The following MBD5 variants were observed in gnomAD, a reference collection of about 807,000 sequenced individuals.
The protein encoded by MBD5 is methyl-CpG-binding domain protein 5.
A neutral mutation model predicts 117.3 loss-of-function variants in MBD5; 13 were observed. That is an observed-to-expected ratio of 0.11 (90% CI 0.07 to 0.18). The LOEUF (loss-of-function observed/expected upper bound fraction) is 0.18, where lower values mean the gene tolerates loss of function less well. Ranked by LOEUF, MBD5 falls within the 10% of genes least tolerant of loss-of-function variation. MBD5 has a pLI of 1.00. For synonymous variants in MBD5, 727 were observed against 766.4 expected, an observed-to-expected ratio of 0.95 and a Z score of 0.85; for missense variants, 1,879 against 2,093.8, an observed-to-expected ratio of 0.90 and a Z score of 2.00.
At chr2:148,345,602 TACATATGTATATACACGTATACAC>T (rs1314749803) in intron 4 of MBD5, among the ~76,000 whole-genome samples, 13 of 108,246 alleles carry the variant, frequency 1.2e-4, no homozygotes, top group African/African-American at 4.7e-4. Flanking sequence ...CGTATACACA[TACATATGTATATACACGTATACAC>T]ATACATATGT....
At chr2:148,439,235 T>A (rs1308223133) in intron 4 of MBD5, among the ~76,000 whole-genome samples, 1 of 152,176 alleles carries the variant, frequency 6.6e-6, no homozygotes, top group Non-Finnish European at 1.5e-5. Flanking sequence ...TTAAGGATTT[T>A]GATTTTCTGG....
intron 1 of MBD5, among the ~76,000 whole-genome samples, chr2:148,057,246 T>C (rs1465064493): frequency 6.6e-6 from 1 of 151,840 alleles, no homozygotes; most frequent in African/African-American, 2.4e-5. Flanking sequence ...TACATTTTAA[T>C]TTTGCTTTAT....
At chr2:148,200,435 T>A (rs981353558) in intron 2 of MBD5, among the ~76,000 whole-genome samples, 1 of 152,190 alleles carries the variant, frequency 6.6e-6, no homozygotes, top group Non-Finnish European at 1.5e-5. Context: ...CTCATGCCTG[T>A]AATCCCAGCA....
chr2:148,479,551 A>T (rs563005982), intron 8 of MBD5, among the ~76,000 whole-genome samples: 5 of 152,302 alleles, frequency 3.3e-5, no homozygotes, highest in African/African-American at 1.2e-4. Flanking sequence ...AATGGTTTAG[A>T]AAGATGATTT....
At chr2:148,212,473 A>G (rs894637807) in intron 2 of MBD5, among the ~76,000 whole-genome samples, 3 of 152,182 alleles carry the variant, frequency 2.0e-5, no homozygotes, top group African/African-American at 7.2e-5. Context: ...TTATTTATTC[A>G]TCAGGTACTT....
At chr2:148,433,944 T>A (rs563847388) in intron 4 of MBD5, among the ~76,000 whole-genome samples, 20 of 150,764 alleles carry the variant, frequency 1.3e-4, no homozygotes, top group Admixed American at 3.3e-4. Flanking sequence ...TTTTTTTTTT[T>A]AATAGTTTCA....
At chr2:148,127,116 C>G (rs1008874504) in intron 1 of MBD5, among the ~76,000 whole-genome samples, 1 of 151,506 alleles carries the variant, frequency 6.6e-6, no homozygotes, top group Admixed American at 6.6e-5. Context: ...GCTGGGACTA[C>G]GGGTGCGTGC....
chr2:148,220,566 T>G (rs1050889292), intron 2 of MBD5, among the ~76,000 whole-genome samples: 1 of 152,156 alleles, frequency 6.6e-6, no homozygotes, highest in Non-Finnish European at 1.5e-5. Flanking sequence ...ATCAGATTCA[T>G]TTAGTAGTAA....
At chr2:148,100,975 A>AT (rs1397240489) in intron 1 of MBD5, among the ~76,000 whole-genome samples, 5 of 152,174 alleles carry the variant, frequency 3.3e-5, no homozygotes, top group Non-Finnish European at 7.3e-5. Context: ...TCCTCATTTC[A>AT]GAATGTTTAC....
At chr2:148,295,644 C>T (rs7602337) in intron 3 of MBD5, 144,120 of 152,826 alleles carry the variant, frequency 0.94, 68,473 homozygotes, top group East Asian at 1. Context: ...TTCAGTAATT[C>T]GTGCATTCAT....
chr2:148,360,888 G>A (rs1050626204), intron 4 of MBD5, among the ~76,000 whole-genome samples: 1 of 152,122 alleles, frequency 6.6e-6, no homozygotes, highest in African/African-American at 2.4e-5. Context: ...TATAATCAAT[G>A]TTCATTTTAA....
intron 2 of MBD5, among the ~76,000 whole-genome samples, chr2:148,207,422 TAAGG>T (rs1699310203): frequency 8.6e-6 from 1 of 115,962 alleles, no homozygotes; most frequent in South Asian, 2.7e-4. Flanking sequence ...AGGCACCAAA[TAAGG>T]GAGGGAAGTA....
At chr2:148,375,105 A>G (rs570574775) in intron 4 of MBD5, among the ~76,000 whole-genome samples, 13 of 152,340 alleles carry the variant, frequency 8.5e-5, no homozygotes, top group African/African-American at 1.9e-4. Flanking sequence ...CAAGTCATCA[A>G]TGAAAATACA....
At chr2:148,321,962 T>A (rs886127688) in intron 3 of MBD5, among the ~76,000 whole-genome samples, 1 of 152,186 alleles carries the variant, frequency 6.6e-6, no homozygotes, top group African/African-American at 2.4e-5. Flanking sequence ...CTATTCCTTG[T>A]TTGGTTTTCT....
At chr2:148,228,642 T>A (rs929526946) in intron 2 of MBD5, among the ~76,000 whole-genome samples, 4 of 152,190 alleles carry the variant, frequency 2.6e-5, no homozygotes, top group Non-Finnish European at 5.9e-5. Context: ...TTAGGGAGGA[T>A]TCCCTCTTTT....
chr2:148,496,465 G>A (rs1267056072), intron 11 of MBD5, among the ~76,000 whole-genome samples: 1 of 152,144 alleles, frequency 6.6e-6, no homozygotes, highest in East Asian at 1.9e-4. Context: ...AAGAGGACTA[G>A]GAGGCCTATC....
intron 4 of MBD5, among the ~76,000 whole-genome samples, chr2:148,361,209 G>T (rs1211392137): frequency 6.6e-6 from 1 of 152,152 alleles, no homozygotes; most frequent in Non-Finnish European, 1.5e-5. Context: ...AATTAGCCAG[G>T]TGAGGTGGCA....
intron 4 of MBD5, among the ~76,000 whole-genome samples, chr2:148,385,047 A>G (rs6758931): frequency 3.5e-4 from 53 of 151,968 alleles, no homozygotes; most frequent in Admixed American, 2.4e-3. Context: ...CAGGACATAG[A>G]CATGGGCAAG....
At chr2:148,288,924 T>TA (rs1388710555) in intron 3 of MBD5, among the ~76,000 whole-genome samples, 1 of 152,226 alleles carries the variant, frequency 6.6e-6, no homozygotes, top group East Asian at 1.9e-4. Context: ...AATCTTATCC[T>TA]AACCTGCAGT....
Sources: gnomAD v4.1 joint callset for allele counts (sites outside exome capture counted in the v4.1 genomes callset) on GRCh38, gnomAD v4.1.1 for gene constraint, MANE v1.5 for transcripts, NCBI Gene and HGNC (gene_info 2026-07-23, HGNC 2026-07-21) for gene names.